NTN4: variants seen among roughly 807,000 people sequenced by gnomAD.
NTN4 encodes netrin-4.
Under a neutral mutation model 73.6 loss-of-function variants are expected in NTN4, and 32 were observed. The ratio of observed to expected loss-of-function variants is 0.44; its 90% CI spans 0.33 to 0.58. The LOEUF (loss-of-function observed/expected upper bound fraction) is 0.58. Among genes scored for constraint, NTN4 ranks in the 20% least tolerant of loss-of-function variants. The probability of loss-of-function intolerance (pLI) is 0.04; values close to 1 mark genes in which losing one functional copy is unlikely to be tolerated. For missense variants in NTN4, 654 were observed against 798.3 expected (o/e 0.82, Z 2.18); for synonymous variants, 258 against 287.5 (o/e 0.90, Z 1.04).
chr12:95,772,063 G>C (rs747021089), intron 2 of NTN4, among the ~76,000 whole-genome samples: 2 of 152,028 alleles, frequency 1.3e-5, no homozygotes, highest in Non-Finnish European at 2.9e-5. Context: ...TTTTGAGACA[G>C]GGTCTCACTC....
At chr12:95,730,258 A>G (rs894180952) in intron 3 of NTN4, among the ~76,000 whole-genome samples, 4 of 152,352 alleles carry the variant, frequency 2.6e-5, no homozygotes, top group East Asian at 1.9e-4. Flanking sequence ...GAAAAGTTAA[A>G]TGAACAAATA....
intron 2 of NTN4, among the ~76,000 whole-genome samples, chr12:95,747,483 T>C (rs1449194574): frequency 6.6e-6 from 1 of 152,192 alleles, no homozygotes; most frequent in African/African-American, 2.4e-5. Flanking sequence ...TCTTTATTTT[T>C]TGTAGATACT....
At chr12:95,672,816 A>C in intron 7 of NTN4, 1 of 1,338,730 alleles carries the variant, frequency 7.5e-7, no homozygotes, top group Non-Finnish European at 1.1e-6. Flanking sequence ...ATAAAGAAAT[A>C]GTTCCCCAGA....
intron 4 of NTN4, among the ~76,000 whole-genome samples, chr12:95,712,153 C>T (rs982252416): frequency 1.1e-4 from 16 of 152,234 alleles, no homozygotes; most frequent in South Asian, 4.2e-4. Flanking sequence ...GATGGGCACG[C>T]GCATTTCTCT....
chr12:95,694,153 T>C (rs1208556846), intron 5 of NTN4, among the ~76,000 whole-genome samples: 1 of 152,198 alleles, frequency 6.6e-6, no homozygotes, highest in African/African-American at 2.4e-5. Flanking sequence ...TCCTTTAATA[T>C]TACCTGATGG....
intron 2 of NTN4, among the ~76,000 whole-genome samples, chr12:95,751,692 C>T (rs11108234): frequency 0.82 from 125,049 of 151,752 alleles, 51,779 homozygotes; most frequent in South Asian, 0.9. Flanking sequence ...TAGACCATCA[C>T]GGACGCCAAG....
intron 8 of NTN4, among the ~76,000 whole-genome samples, chr12:95,666,551 C>T (rs930693142): frequency 2.6e-5 from 4 of 152,184 alleles, no homozygotes; most frequent in Non-Finnish European, 2.9e-5. Flanking sequence ...CCTCCAATAT[C>T]ATTATCCTAA....
intron 2 of NTN4, among the ~76,000 whole-genome samples, chr12:95,780,535 A>C (rs9669305): frequency 0.85 from 128,624 of 151,530 alleles, 54,959 homozygotes; most frequent in African/African-American, 0.9. Flanking sequence ...ATGCAGCCAA[A>C]AGACACATGA....
Position 95,738,070 on chromosome 12 carries a change from C to T in NTN4, c.660G>A (p.Lys220=). 1 of 1,614,146 alleles carries T rather than the reference C, an allele frequency of 6.2e-7. No homozygotes were observed. Residue 220 remains lysine (K), a synonymous_variant, in exon 3 of 10, where the codon AAG becomes AAA. Transcript: ENST00000343702. The stretch of plus-strand genomic sequence containing the variant: ...GCAGCTGCACGCGAAGGTTGGTGAT[C>T]TTCAGCTGCTCCTGAACTTTGGCAC... The part of the protein sequence containing the change: ...PYSAKVQEQL[K]ITNLRVQLLK...
chr12:95,739,663 ACCT>A (rs2078808751), intron 2 of NTN4, among the ~76,000 whole-genome samples: 1 of 152,142 alleles, frequency 6.6e-6, no homozygotes, highest in African/African-American at 2.4e-5. Flanking sequence ...GTAAAGTGCT[ACCT>A]CCTATTTTAT....
intron 5 of NTN4, among the ~76,000 whole-genome samples, chr12:95,687,575 A>G (rs1382085195): frequency 6.6e-6 from 1 of 151,414 alleles, no homozygotes; most frequent in Non-Finnish European, 1.5e-5. Context: ...ATTTTTTTGT[A>G]TTTTTAATAG....
At position 95,700,080 on chromosome 12, in the gene NTN4, ATTTTTTTTTTTT is replaced by A. The variant is rs56063223; in HGVS notation, c.1180+10349_1180+10360del. ...AACAGTGTATTCTTCTAAAGTGAGG[ATTTTTTTTTTTT>A]TTTTTTTTTTTTTTTTTTTTTTTAC... On this transcript the variant is annotated intron_variant, in intron 5 of 9. Coordinates refer to ENST00000343702, the MANE Select transcript of NTN4 (RefSeq NM_021229.4). Among the ~76,000 whole-genome samples the A allele has an allele frequency of 1.9e-3, 79 of 41,824 alleles. 2 individuals are homozygous for A. Among genetic ancestry groups the A allele is most frequent in the African/African-American group, 6.0e-3 (63 of 10,462 alleles). The allele number at this position is 41,824 out of a possible 152,430, so 27.4% of individuals were successfully genotyped here. A position where few individuals can be genotyped will look rare whatever the true frequency, so the allele number is the denominator to read the frequency against.
At chr12:95,727,760 G>A (rs2078705568) in intron 3 of NTN4, among the ~76,000 whole-genome samples, 1 of 152,166 alleles carries the variant, frequency 6.6e-6, no homozygotes, top group South Asian at 2.1e-4. Context: ...TGTTCTTCAA[G>A]GTTGTTTTGG....
At chr12:95,708,705 G>A (rs1168453165) in intron 5 of NTN4, among the ~76,000 whole-genome samples, 1 of 152,056 alleles carries the variant, frequency 6.6e-6, no homozygotes, top group East Asian at 1.9e-4. Flanking sequence ...CACCCCACCT[G>A]GCGTAGTTTT....
chr12:95,788,056 T>C (rs183397226), intron 1 of NTN4, among the ~76,000 whole-genome samples: 39 of 152,304 alleles, frequency 2.6e-4, no homozygotes, highest in Admixed American at 7.2e-4. Context: ...TATGAGATAT[T>C]TAATAAATAT....
chr12:95,788,105 C>T (rs545279671), intron 1 of NTN4, among the ~76,000 whole-genome samples: 4 of 152,168 alleles, frequency 2.6e-5, no homozygotes, highest in South Asian at 2.1e-4. Flanking sequence ...AAGCTAGAGA[C>T]CTTTGGAGTT....
At chr12:95,756,922 C>T (rs1204621976) in intron 2 of NTN4, among the ~76,000 whole-genome samples, 1 of 152,046 alleles carries the variant, frequency 6.6e-6, no homozygotes, top group Non-Finnish European at 1.5e-5. Context: ...TCAACTCATG[C>T]CAATCTTTTA....
intron 8 of NTN4, among the ~76,000 whole-genome samples, chr12:95,666,876 C>T (rs1342332145): frequency 1.3e-5 from 2 of 152,192 alleles, no homozygotes; most frequent in African/African-American, 4.8e-5. Flanking sequence ...TCTTGACTTC[C>T]CTGGGCCACA....
intron 2 of NTN4, among the ~76,000 whole-genome samples, chr12:95,747,370 C>A (rs1051109600): frequency 6.6e-6 from 1 of 151,896 alleles, no homozygotes; most frequent in Non-Finnish European, 1.5e-5. Flanking sequence ...TTGCTTGAGT[C>A]TAGTGGCACA....
Sources: allele counts gnomAD v4.1 joint callset (sites outside exome capture counted in the v4.1 genomes callset), GRCh38; gene constraint gnomAD v4.1.1; transcripts MANE v1.5; gene names NCBI Gene and HGNC (gene_info 2026-07-23, HGNC 2026-07-21).